The following RCSD1 variants were observed in gnomAD, a reference collection of about 807,000 sequenced individuals.
The protein encoded by RCSD1 is RCSD domain containing 1.
In RCSD1, 26 loss-of-function variants were observed where a neutral mutation model predicts 42.5. The ratio of observed to expected loss-of-function variants is 0.61; its 90% CI spans 0.45 to 0.85. RCSD1 has a LOEUF of 0.85. Among genes scored for constraint, RCSD1 ranks in the 40% least tolerant of loss-of-function variants. The pLI, the probability that RCSD1 is intolerant of heterozygous loss-of-function variation, is 0.00. For missense variants in RCSD1, 571 were observed against 528.3 expected (o/e 1.08, Z -0.79); for synonymous variants, 220 against 212.2 (o/e 1.04, Z -0.32).
intron 1 of RCSD1, 134 bp from the exon 2 acceptor site, chr1:167,683,766 C>T: frequency 1.2e-6 from 1 of 822,178 alleles, no homozygotes. Context: ...TCCTTGAATG[C>T]AGGAGCCAGT....
At chr1:167,675,479 C>A (rs1261350977) in intron 1 of RCSD1, among the ~76,000 whole-genome samples, 1 of 152,110 alleles carries the variant, frequency 6.6e-6, no homozygotes, top group Non-Finnish European at 1.5e-5. Context: ...AATTACCTCC[C>A]ACCTGGTCCC....
intron 1 of RCSD1, among the ~76,000 whole-genome samples, chr1:167,631,587 G>C (rs927860930): frequency 2.0e-5 from 3 of 152,118 alleles, no homozygotes; most frequent in African/African-American, 7.2e-5. Flanking sequence ...CAGGCTCAAA[G>C]GATCCTCCCA....
chr1:167,635,956 T>C (rs1558069847), intron 1 of RCSD1, among the ~76,000 whole-genome samples: 1 of 152,216 alleles, frequency 6.6e-6, no homozygotes, highest in Non-Finnish European at 1.5e-5. Context: ...CAGTAATGCT[T>C]CGGACACAGG....
chr1:167,647,483 G>T (rs111909909), intron 1 of RCSD1, among the ~76,000 whole-genome samples: 6,365 of 152,148 alleles, frequency 0.042, 186 homozygotes, highest in Non-Finnish European at 0.066. Flanking sequence ...TTATTCAGGA[G>T]GCTAAGGCAG....
Position 167,672,884 on chromosome 1 carries a change from TC to T in RCSD1, c.7-11015del, listed in dbSNP as rs566872713. 3.2e-3 allele frequency among the ~76,000 whole-genome samples: 489 copies of T among 152,338 alleles called. 2 individuals are homozygous for T. Among genetic ancestry groups the T allele is most frequent in the African/African-American group, 0.011 (473 of 41,576 alleles). Reference sequence around the variant, plus strand: ...TAGACTCCAGAGGTATAGACCATGCTCATCCTGTCCTTCTCTGTGTATGTCT... The same window carrying T: ...TAGACTCCAGAGGTATAGACCATGCTATCCTGTCCTTCTCTGTGTATGTCT... On this transcript the variant is annotated intron_variant, in intron 1 of 6. Transcript: ENST00000367854.
At chr1:167,648,816 T>G (rs1247773659) in intron 1 of RCSD1, among the ~76,000 whole-genome samples, 1 of 152,202 alleles carries the variant, frequency 6.6e-6, no homozygotes, top group African/African-American at 2.4e-5. Context: ...GGGCTGGTCC[T>G]CTAGGAAATC....
At chr1:167,673,240 G>A (rs952977347) in intron 1 of RCSD1, among the ~76,000 whole-genome samples, 5 of 152,226 alleles carry the variant, frequency 3.3e-5, no homozygotes, top group Non-Finnish European at 7.3e-5. Flanking sequence ...CTTTTTAACA[G>A]CACTGCCTTA....
rs1435783918 is a variant in RCSD1 at position 167,697,233 on chromosome 1, G to T, written c.609G>T (p.Gly203=). 1.2e-6 allele frequency: 2 copies of T among 1,614,156 alleles called. No homozygotes were observed. Among genetic ancestry groups the T allele is most frequent in the South Asian group, 2.2e-5 (2 of 91,082 alleles). ...AGAACGGTGCTAAGGAAGAGGATGG[G>T]GATGAAGTGTTGCCATCCAAGAGCA... ...SQQNGAKEED[G]DEVLPSKSKA... is the part of the protein sequence containing the mutation. The change falls in exon 6 of 7, where the codon GGG becomes GGT. Residue 203 remains glycine (G), a synonymous_variant. Coordinates refer to ENST00000367854, the MANE Select transcript of RCSD1 (RefSeq NM_052862.4).
rs1659722441 is a variant in RCSD1, at chr1:167,704,936, T to C, written c.*240T>C. On this transcript the variant is annotated 3_prime_UTR_variant, in exon 7 of 7. Transcript: ENST00000367854. ...ATCAGCTTGAGTTTATGTCATTTGA[T>C]GGACTTGGTTCAACAACAAGAACTT... The C allele has an allele frequency of 2.1e-6, 1 of 481,488 alleles. No homozygotes were observed. Among genetic ancestry groups the C allele is most frequent in the South Asian group, 2.1e-5 (1 of 46,912 alleles). 29.8% of individuals were successfully genotyped at this position (481,488 alleles called of 1,614,324 possible). A position where few individuals can be genotyped will look rare whatever the true frequency, so the allele number is the denominator to read the frequency against.
chr1:167,693,355 C>G (rs1659422296), intron 4 of RCSD1, among the ~76,000 whole-genome samples: 2 of 152,230 alleles, frequency 1.3e-5, no homozygotes, highest in Non-Finnish European at 2.9e-5. Context: ...CCTCCCCAAC[C>G]AAACTCAAGA....
At chr1:167,690,696 G>A (rs906158926) in intron 4 of RCSD1, among the ~76,000 whole-genome samples, 1 of 152,020 alleles carries the variant, frequency 6.6e-6, no homozygotes, top group Non-Finnish European at 1.5e-5. Flanking sequence ...GAAAAAAAAA[G>A]AGTCTTACGG....
intron 1 of RCSD1, chr1:167,630,807 G>C (rs1205586109): frequency 5.9e-6 from 1 of 170,828 alleles, no homozygotes; most frequent in Non-Finnish European, 1.1e-5. Flanking sequence ...AAAACTGCAA[G>C]AAGGCAGAAG....
chr1:167,653,114 T>C (rs1336576598), intron 1 of RCSD1, among the ~76,000 whole-genome samples: 1 of 152,228 alleles, frequency 6.6e-6, no homozygotes, highest in African/African-American at 2.4e-5. Flanking sequence ...CATTATTACA[T>C]ATTTCTGCCC....
chr1:167,685,067 A>G (rs1659193720), intron 2 of RCSD1, among the ~76,000 whole-genome samples: 1 of 152,232 alleles, frequency 6.6e-6, no homozygotes, highest in African/African-American at 2.4e-5. Flanking sequence ...CATAAAGGAT[A>G]AAGAAGATAG....
intron 1 of RCSD1, among the ~76,000 whole-genome samples, chr1:167,648,054 T>C (rs998676195): frequency 6.6e-6 from 1 of 152,222 alleles, no homozygotes; most frequent in Non-Finnish European, 1.5e-5. Context: ...TTTAGCCAAA[T>C]GCATAATTCT....
intron 1 of RCSD1, among the ~76,000 whole-genome samples, chr1:167,680,404 GGGAGGA>G (rs367846137): frequency 1.3e-5 from 2 of 151,832 alleles, no homozygotes; most frequent in South Asian, 2.1e-4. Context: ...CAGGTCGGAT[GGGAGGA>G]GGAGGAGGAG....
chr1:167,648,195 A>C (rs1658213119), intron 1 of RCSD1, among the ~76,000 whole-genome samples: 1 of 152,240 alleles, frequency 6.6e-6, no homozygotes, highest in Non-Finnish European at 1.5e-5. Flanking sequence ...TCTGTTATAC[A>C]AATATATCAT....
chr1:167,706,334 T>C lies in RCSD1; in HGVS notation c.*1638T>C, dbSNP rs1211203236. The stretch of plus-strand genomic sequence containing the variant: ...TAGCTTGCTATCAATCTAGCTACCA[T>C]CCATTTATTGACAGAGAAGTCTACC... On this transcript the variant is annotated 3_prime_UTR_variant, in exon 7 of 7. Coordinates refer to ENST00000367854, the MANE Select transcript of RCSD1 (RefSeq NM_052862.4). 1 of 152,204 alleles carries C rather than the reference T, an allele frequency of 6.6e-6. No individual in the cohort carries two copies. The highest frequency in any genetic ancestry group is 1.5e-5 in the Non-Finnish European group (1 of 68,034). The allele number at this position is 152,204 out of a possible 1,614,324, so 9.4% of individuals were successfully genotyped here.
At chr1:167,690,772 G>A (rs1179141960) in intron 4 of RCSD1, among the ~76,000 whole-genome samples, 1 of 152,202 alleles carries the variant, frequency 6.6e-6, no homozygotes, top group Non-Finnish European at 1.5e-5. Context: ...AGGCCTGAAT[G>A]CAGCCACAAA....
Sources: allele counts gnomAD v4.1 joint callset (sites outside exome capture counted in the v4.1 genomes callset), GRCh38; gene constraint gnomAD v4.1.1; transcripts MANE v1.5; gene names NCBI Gene and HGNC (gene_info 2026-07-23, HGNC 2026-07-21).